The following KAT7 variants were observed in gnomAD, a reference collection of about 807,000 sequenced individuals.
KAT7 encodes the protein lysine acetyltransferase 7.
In KAT7, 10 loss-of-function variants were observed where a neutral mutation model predicts 82.1. That is an observed-to-expected ratio of 0.12 (90% CI 0.08 to 0.21). The LOEUF is 0.21. Among genes scored for constraint, KAT7 ranks in the 10% least tolerant of loss-of-function variants. The probability of loss-of-function intolerance (pLI) is 1.00; values close to 1 mark genes in which losing one functional copy is unlikely to be tolerated. For synonymous variants in KAT7, 250 were observed against 262.5 expected (o/e 0.95, Z 0.46); for missense variants, 378 against 760.9 (o/e 0.50, Z 5.92).
At chr17:49,798,586 C>G (rs555527788) in intron 4 of KAT7, 28 bp downstream of exon 4, 1 of 1,571,004 alleles carries the variant, frequency 6.4e-7, no homozygotes, top group Admixed American at 1.8e-5. Flanking sequence ...TCATGACATC[C>G]TTTGTTCTGT....
intron 1 of KAT7, 27 bp from the exon 2 acceptor site, chr17:49,791,859 C>T (rs939618117): frequency 2.5e-6 from 4 of 1,608,994 alleles, no homozygotes; most frequent in Non-Finnish European, 2.6e-6. Context: ...TGCTTCTGTG[C>T]TAATATCTGG....
intron 9 of KAT7, among the ~76,000 whole-genome samples, chr17:49,818,272 G>A (rs1386188307): frequency 6.6e-6 from 1 of 152,152 alleles, no homozygotes; most frequent in African/African-American, 2.4e-5. Context: ...TGTTCTTGCT[G>A]CCTACTGCTC....
At chr17:49,813,357 A>G (rs2074193689) in intron 7 of KAT7, among the ~76,000 whole-genome samples, 1 of 152,066 alleles carries the variant, frequency 6.6e-6, no homozygotes, top group Non-Finnish European at 1.5e-5. Context: ...ACATGATTTC[A>G]TTCTTTTTTA....
At chr17:49,823,399 G>A (rs1333548702) in intron 12 of KAT7, 104 bp downstream of exon 12, 9 of 692,766 alleles carry the variant, frequency 1.3e-5, no homozygotes, top group Non-Finnish European at 2.1e-5. Context: ...TATAGTGAAG[G>A]TACATGGATA....
At chr17:49,804,176 G>A (rs978616255) in intron 4 of KAT7, among the ~76,000 whole-genome samples, 7 of 151,578 alleles carry the variant, frequency 4.6e-5, no homozygotes, top group Non-Finnish European at 8.8e-5. Flanking sequence ...TCAGGAGATC[G>A]AGACCATCCT....
At chr17:49,807,973 A>T (rs1287148579) in intron 5 of KAT7, among the ~76,000 whole-genome samples, 1 of 151,994 alleles carries the variant, frequency 6.6e-6, no homozygotes, top group Non-Finnish European at 1.5e-5. Context: ...GACCATTCTG[A>T]GTTTTAGTGG....
Position 49,827,407 on chromosome 17 carries a change from A to G in KAT7, c.1741A>G (p.Ile581Val). ...KHLVLKRQDL[I>V]DEWIAKEAKR... is the part of the protein sequence containing the mutation. The stretch of plus-strand genomic sequence containing the variant: ...TCCCATTGTTCTCCCTCAGGACCTG[A>G]TTGATGAGTGGATAGCCAAAGAGGC... Residue 581 changes from isoleucine (I) to valine (V), a missense_variant, in exon 15 of 15, where the codon ATT becomes GTT. This residue lies in a region of KAT7 where 44 missense variants were observed against 102.2 expected (regional missense o/e 0.43). Coordinates refer to ENST00000259021, the MANE Select transcript of KAT7 (RefSeq NM_007067.5). 1 of 1,605,472 alleles carries G rather than the reference A, an allele frequency of 6.2e-7. No individual in the cohort carries two copies. The highest frequency in any genetic ancestry group is 8.5e-7 in the Non-Finnish European group (1 of 1,172,160).
In KAT7 at chr17:49,827,502, A is replaced by C; in HGVS notation, c.1836A>C (p.Ter612TyrextTer13). Residue 612 changes from the stop codon to tyrosine (Y), a stop_lost, in exon 15 of 15, where the codon TAA (stop) becomes TAC (tyrosine). Coordinates refer to ENST00000259021, the MANE Select transcript of KAT7 (RefSeq NM_007067.5). ...AATGGACCCCTCCCAAGGGCACTTAAAGTGACCTGTCATTCCGAGCCAGCG... is the reference window on the plus strand; with the variant it reads ...AATGGACCCCTCCCAAGGGCACTTACAGTGACCTGTCATTCCGAGCCAGCG... Reference protein sequence around the residue: ...CLKWTPPKGT* With the variant: ...CLKWTPPKGTY 6.3e-7 allele frequency: 1 copy of C among 1,588,022 alleles called. No individual in the cohort carries two copies. The highest frequency in any genetic ancestry group is 8.6e-7 in the Non-Finnish European group (1 of 1,156,276).
chr17:49,813,619 T>A (rs371920252), intron 7 of KAT7, among the ~76,000 whole-genome samples: 9 of 152,198 alleles, frequency 5.9e-5, no homozygotes, highest in African/African-American at 1.9e-4. Flanking sequence ...TTGTACTGAA[T>A]GTGTACAGAC....
intron 6 of KAT7, among the ~76,000 whole-genome samples, chr17:49,810,554 A>G (rs1779985621): frequency 6.6e-6 from 1 of 152,140 alleles, no homozygotes; most frequent in Non-Finnish European, 1.5e-5. Context: ...ACGGTGCCCA[A>G]CCTTGGGTTT....
In KAT7 at chr17:49,824,197, A is replaced by G. The variant is rs545175166; in HGVS notation, c.1480+902A>G. ...TATTTCCCGTAGGAGTAGTGGTTCA[A>G]TATTCACTAATTCAGGTTCTCAGTG... is the stretch of plus-strand genomic sequence containing the variant. On this transcript the variant is annotated intron_variant, in intron 12 of 14. Transcript: ENST00000259021. 1.4e-4 allele frequency among the ~76,000 whole-genome samples: 21 copies of G among 152,350 alleles called. No individual in the cohort carries two copies. The East Asian group carries it at 3.5e-3, about 25-fold the overall frequency.
In KAT7 at chr17:49,834,606, A is replaced by G. The variant is rs967653836; in HGVS notation, c.*7104A>G. 9 of 152,194 alleles carry G rather than the reference A, an allele frequency of 5.9e-5. No individual in the cohort carries two copies. The highest frequency in any genetic ancestry group is 2.2e-4 in the African/African-American group (9 of 41,450). The allele number at this position is 152,194 out of a possible 1,614,324, so 9.4% of individuals were successfully genotyped here. ...CATCATTCCCTTACACATAACCTCA[A>G]CGTGCAACAGGATTAGTCTATTATT... On this transcript the variant is annotated 3_prime_UTR_variant, in exon 15 of 15. Transcript: ENST00000259021.
At chr17:49,798,261 G>A (rs992971711) in intron 3 of KAT7, 58 bp from the exon 4 acceptor site, 5 of 1,553,736 alleles carry the variant, frequency 3.2e-6, no homozygotes, top group African/African-American at 2.7e-5. Flanking sequence ...ACTCTGAATA[G>A]TAAACTTCTA....
chr17:49,803,084 A>G (rs1006744667), intron 4 of KAT7, among the ~76,000 whole-genome samples: 5 of 151,596 alleles, frequency 3.3e-5, no homozygotes, highest in Non-Finnish European at 5.9e-5. Context: ...TTCGTGTTCA[A>G]GATAATTTTG....
At chr17:49,805,825 C>G (rs763726076) in intron 5 of KAT7, among the ~76,000 whole-genome samples, 1 of 152,190 alleles carries the variant, frequency 6.6e-6, no homozygotes, top group Admixed American at 6.5e-5. Flanking sequence ...TCTCATAAAT[C>G]TATGAAGTCA....
intron 12 of KAT7, chr17:49,824,744 A>G (rs995310941): frequency 6.6e-6 from 1 of 152,170 alleles, no homozygotes; most frequent in Non-Finnish European, 1.5e-5. Flanking sequence ...TGAATAGGTA[A>G]CACTGTTCTT....
intron 13 of KAT7, 58 bp from the exon 14 acceptor site, chr17:49,826,635 G>T: frequency 8.9e-7 from 1 of 1,125,720 alleles, no homozygotes; most frequent in South Asian, 1.2e-5. Context: ...CCTTGGTTGG[G>T]GGCAAAGGGG....
chr17:49,821,236 A>G, intron 9 of KAT7, 101 bp from the exon 10 acceptor site: 1 of 769,740 alleles, frequency 1.3e-6, no homozygotes, highest in South Asian at 1.7e-5. Flanking sequence ...ACTGTCCGGT[A>G]GCTCAGTTAA....
intron 2 of KAT7, among the ~76,000 whole-genome samples, chr17:49,792,728 A>G (rs1370850498): frequency 1.3e-5 from 2 of 152,228 alleles, no homozygotes; most frequent in Non-Finnish European, 2.9e-5. Flanking sequence ...ATTGTGCACA[A>G]TTGTAGGCTA....
Sources: allele counts gnomAD v4.1 joint callset (sites outside exome capture counted in the v4.1 genomes callset), GRCh38; gene constraint gnomAD v4.1.1; regional missense constraint gnomAD v4.1.1; transcripts MANE v1.5; gene names NCBI Gene and HGNC (gene_info 2026-07-23, HGNC 2026-07-21).